RIT2: variants seen among roughly 807,000 people sequenced by gnomAD.
RIT2 encodes the protein GTP-binding protein Rit2.
A neutral mutation model predicts 23.7 loss-of-function variants in RIT2; 24 were observed. That is an observed-to-expected ratio of 1.01 (90% confidence interval 0.73 to 1.43). The LOEUF (loss-of-function observed/expected upper bound fraction) is 1.43, where lower values mean the gene tolerates loss of function less well. Among genes scored for constraint, RIT2 ranks in the 40% most tolerant of loss-of-function variants. The pLI, the probability that RIT2 is intolerant of heterozygous loss-of-function variation, is 0.00. For missense variants in RIT2, 236 were observed against 266.9 expected (o/e 0.88, Z 0.81); for synonymous variants, 107 against 91.1 (o/e 1.17, Z -0.99).
intron 4 of RIT2, among the ~76,000 whole-genome samples, chr18:42,768,693 C>G (rs1019591178): frequency 2.0e-5 from 3 of 151,996 alleles, no homozygotes; most frequent in Non-Finnish European, 4.4e-5. Flanking sequence ...CATTTCCTAG[C>G]TGGATACTAG....
chr18:42,840,525 G>A (rs1391080353), intron 4 of RIT2, among the ~76,000 whole-genome samples: 2 of 151,490 alleles, frequency 1.3e-5, no homozygotes, highest in Non-Finnish European at 2.9e-5. Flanking sequence ...TTTCAAAGAC[G>A]GAGTTTTGCT....
At chr18:42,814,360 A>G (rs1464637216) in intron 4 of RIT2, among the ~76,000 whole-genome samples, 2 of 151,936 alleles carry the variant, frequency 1.3e-5, no homozygotes, top group Non-Finnish European at 2.9e-5. Flanking sequence ...CTGGAAACAG[A>G]CTCGGTGCTA....
At chr18:42,775,566 G>T (rs1332623871) in intron 4 of RIT2, among the ~76,000 whole-genome samples, 1 of 151,922 alleles carries the variant, frequency 6.6e-6, no homozygotes, top group Non-Finnish European at 1.5e-5. Context: ...TCGTGGTGGC[G>T]GGCGCCTGTA....
chr18:42,995,750 C>T (rs896617840), intron 2 of RIT2, among the ~76,000 whole-genome samples: 2 of 152,172 alleles, frequency 1.3e-5, no homozygotes, highest in Non-Finnish European at 2.9e-5. Context: ...GGGTACAGCC[C>T]ATTTAAGCTC....
chr18:42,840,918 C>T (rs998449364), intron 4 of RIT2, among the ~76,000 whole-genome samples: 2 of 152,252 alleles, frequency 1.3e-5, no homozygotes, highest in Non-Finnish European at 2.9e-5. Flanking sequence ...CCGCGTCTGT[C>T]ATATGGTAAA....
chr18:43,044,781 C>A (rs1408571181), intron 1 of RIT2, among the ~76,000 whole-genome samples: 1 of 152,108 alleles, frequency 6.6e-6, no homozygotes, highest in Non-Finnish European at 1.5e-5. Context: ...AGAGCAGCAC[C>A]TTTTGCAATT....
intron 4 of RIT2, among the ~76,000 whole-genome samples, chr18:42,796,122 A>G (rs564515850): frequency 2.0e-5 from 3 of 152,144 alleles, no homozygotes; most frequent in Non-Finnish European, 4.4e-5. Flanking sequence ...TTTGCAATAA[A>G]TCTTGCTACT....
At chr18:42,992,732 G>T (rs868858268) in intron 2 of RIT2, among the ~76,000 whole-genome samples, 10 of 152,060 alleles carry the variant, frequency 6.6e-5, no homozygotes, top group Non-Finnish European at 1.2e-4. Flanking sequence ...CAAGGTTAAT[G>T]CTCCTTTTTC....
At chr18:43,054,150 T>A (rs1036184257) in intron 1 of RIT2, among the ~76,000 whole-genome samples, 5 of 152,104 alleles carry the variant, frequency 3.3e-5, no homozygotes, top group Non-Finnish European at 5.9e-5. Flanking sequence ...CCAGCTTCTC[T>A]GTAAATGTAT....
intron 3 of RIT2, among the ~76,000 whole-genome samples, chr18:42,946,732 C>A (rs1909736163): frequency 1.3e-5 from 2 of 151,840 alleles, no homozygotes; most frequent in South Asian, 2.1e-4. Flanking sequence ...AAAATAATAT[C>A]ATTTTTGCTA....
At chr18:42,747,516 G>A (rs1378927148) in intron 4 of RIT2, among the ~76,000 whole-genome samples, 2 of 151,782 alleles carry the variant, frequency 1.3e-5, no homozygotes, top group Admixed American at 1.3e-4. Flanking sequence ...AAACACCACC[G>A]TCATTCTTCA....
intron 2 of RIT2, among the ~76,000 whole-genome samples, chr18:42,986,483 T>G (rs1910712879): frequency 6.6e-6 from 1 of 152,040 alleles, no homozygotes; most frequent in South Asian, 2.1e-4. Flanking sequence ...ATAAAGCTGT[T>G]TATTTTTATT....
intron 4 of RIT2, among the ~76,000 whole-genome samples, chr18:42,858,710 C>T (rs942374378): frequency 9.2e-5 from 14 of 152,168 alleles, no homozygotes; most frequent in Non-Finnish European, 4.4e-5. Flanking sequence ...TCTAATTCCC[C>T]ATTATCTGGT....
intron 4 of RIT2, among the ~76,000 whole-genome samples, chr18:42,744,749 T>C (rs1912878662): frequency 6.6e-6 from 1 of 152,130 alleles, no homozygotes; most frequent in African/African-American, 2.4e-5. Flanking sequence ...GTTGAAGAGA[T>C]GGAGTTGTCA....
intron 1 of RIT2, among the ~76,000 whole-genome samples, chr18:43,036,541 C>G (rs1031135760): frequency 6.6e-6 from 1 of 151,860 alleles, no homozygotes; most frequent in Non-Finnish European, 1.5e-5. Flanking sequence ...CTCCATCCCC[C>G]GCTACCTCCC....
intron 1 of RIT2, among the ~76,000 whole-genome samples, chr18:43,075,979 T>C (rs1236546883): frequency 1.3e-5 from 2 of 152,194 alleles, no homozygotes; most frequent in African/African-American, 4.8e-5. Context: ...TTTTTTATCA[T>C]TTTAACATAG....
At chr18:43,014,222 A>G (rs181209096) in intron 2 of RIT2, among the ~76,000 whole-genome samples, 86 of 151,938 alleles carry the variant, frequency 5.7e-4, no homozygotes, top group African/African-American at 1.9e-3. Context: ...AGAACAAGGC[A>G]TAAGAACATA....
At chr18:42,858,989 T>C (rs1907258700) in intron 4 of RIT2, among the ~76,000 whole-genome samples, 1 of 152,188 alleles carries the variant, frequency 6.6e-6, no homozygotes, top group African/African-American at 2.4e-5. Context: ...ACTTTTGGGG[T>C]ATTATAAATT....
intron 2 of RIT2, among the ~76,000 whole-genome samples, chr18:42,976,541 T>C (rs567751454): frequency 9.2e-5 from 14 of 152,214 alleles, no homozygotes; most frequent in African/African-American, 2.9e-4. Flanking sequence ...AAAAGGTAGA[T>C]GTCTCATTTG....
Sources: allele counts gnomAD v4.1 joint callset (sites outside exome capture counted in the v4.1 genomes callset), GRCh38; gene constraint gnomAD v4.1.1; transcripts MANE v1.5; gene names NCBI Gene and HGNC (gene_info 2026-07-23, HGNC 2026-07-21).